IMMP2L: variants seen among roughly 807,000 people sequenced by gnomAD.
IMMP2L encodes the protein mitochondrial inner membrane protease subunit 2.
Under a neutral mutation model 19.3 loss-of-function variants are expected in IMMP2L, and 18 were observed. The ratio of observed to expected loss-of-function variants is 0.93; its 90% CI spans 0.64 to 1.38. The LOEUF (loss-of-function observed/expected upper bound fraction) is 1.38, where lower values mean the gene tolerates loss of function less well. IMMP2L is among the 40% of genes most tolerant of loss of function. The pLI is 0.00. For synonymous variants in IMMP2L, 76 were observed against 73.0 expected (o/e 1.04, Z -0.21); for missense variants, 233 against 218.2 (o/e 1.07, Z -0.43).
At chr7:111,499,921 C>T (rs1414633530) in intron 2 of IMMP2L, among the ~76,000 whole-genome samples, 3 of 152,068 alleles carry the variant, frequency 2.0e-5, no homozygotes, top group East Asian at 1.9e-4. Context: ...TCTGAGGTAC[C>T]GGGTTCATCT....
chr7:111,513,669 A>G (rs1167837784), intron 2 of IMMP2L, among the ~76,000 whole-genome samples: 1 of 152,138 alleles, frequency 6.6e-6, no homozygotes, highest in Admixed American at 6.5e-5. Flanking sequence ...TCATTGCAGA[A>G]TTATTCAAAA....
chr7:111,168,342 T>C (rs1261449686), intron 3 of IMMP2L, among the ~76,000 whole-genome samples: 5 of 151,838 alleles, frequency 3.3e-5, no homozygotes, highest in African/African-American at 1.2e-4. Context: ...CTCATTTAGC[T>C]GGAAAACCAA....
intron 3 of IMMP2L, among the ~76,000 whole-genome samples, chr7:111,465,178 GGCTCTC>G (rs1840513831): frequency 6.6e-6 from 1 of 151,996 alleles, no homozygotes; most frequent in South Asian, 2.1e-4. Context: ...TGCCATAATG[GGCTCTC>G]TGACCCCTAT....
chr7:111,147,848 A>G (rs1167809453), intron 3 of IMMP2L, among the ~76,000 whole-genome samples: 1 of 152,150 alleles, frequency 6.6e-6, no homozygotes, highest in East Asian at 1.9e-4. Flanking sequence ...AATGCTTGCA[A>G]TGTTCCAAGA....
chr7:111,124,701 A>G, intron 3 of IMMP2L: 1 of 1,613,966 alleles, frequency 6.2e-7, no homozygotes, highest in East Asian at 2.2e-5. Flanking sequence ...TTGGTGTGAT[A>G]TGTCTTATCA....
chr7:110,686,940 C>T (rs993467337), intron 5 of IMMP2L, among the ~76,000 whole-genome samples: 4 of 152,142 alleles, frequency 2.6e-5, no homozygotes, highest in South Asian at 4.2e-4. Flanking sequence ...AAAGAAAAGA[C>T]GCATAGCCTG....
intron 3 of IMMP2L, among the ~76,000 whole-genome samples, chr7:111,223,065 G>A (rs1326226011): frequency 3.3e-5 from 5 of 151,712 alleles, no homozygotes; most frequent in African/African-American, 1.2e-4. Context: ...GTTGCAAAAT[G>A]ACATAGAATG....
chr7:110,788,386 C>T (rs934597909), intron 5 of IMMP2L, among the ~76,000 whole-genome samples: 2 of 151,796 alleles, frequency 1.3e-5, no homozygotes, highest in South Asian at 4.1e-4. Flanking sequence ...TAAATACTTG[C>T]TTTTCTTGGC....
intron 3 of IMMP2L, among the ~76,000 whole-genome samples, chr7:111,153,593 T>C (rs553148658): frequency 5.9e-4 from 90 of 152,184 alleles, no homozygotes; most frequent in Non-Finnish European, 1.2e-3. Flanking sequence ...CATGCTATTT[T>C]TCTTTACTTA....
In IMMP2L at chr7:111,420,043, T is replaced by C. The variant is rs577191455; in HGVS notation, c.239+67195A>G. 1.6e-4 allele frequency among the ~76,000 whole-genome samples: 24 copies of C among 151,988 alleles called. 1 individual carries two copies. The highest frequency in any genetic ancestry group is 5.6e-4 in the African/African-American group (23 of 41,268). On this transcript the variant is annotated intron_variant, in intron 3 of 5. Transcript: ENST00000405709. The stretch of plus-strand genomic sequence containing the variant: ...TGCACCACAATAAGAATGTATTTAA[T>C]GTCATTGAACTGTACACTTAAAGAT...
chr7:110,782,879 T>TA (rs1376296046), intron 5 of IMMP2L, among the ~76,000 whole-genome samples: 1 of 151,822 alleles, frequency 6.6e-6, no homozygotes, highest in Non-Finnish European at 1.5e-5. Flanking sequence ...GACAGGGATG[T>TA]AGAAAGATCA....
At chr7:110,690,830 C>G (rs559782053) in intron 5 of IMMP2L, among the ~76,000 whole-genome samples, 1 of 151,618 alleles carries the variant, frequency 6.6e-6, no homozygotes, top group East Asian at 1.9e-4. Flanking sequence ...ATAACACAAA[C>G]AAATGGAAAT....
intron 3 of IMMP2L, among the ~76,000 whole-genome samples, chr7:111,378,272 G>A (rs1456964021): frequency 6.6e-6 from 1 of 151,896 alleles, no homozygotes; most frequent in Non-Finnish European, 1.5e-5. Context: ...ACTGTATAAT[G>A]TTTTCTGATA....
chr7:110,700,215 A>C lies in IMMP2L; in HGVS notation c.409-36494T>G, dbSNP rs79715974. Among the ~76,000 whole-genome samples the C allele has an allele frequency of 8.6e-3, 1,313 of 152,322 alleles. 17 individuals are homozygous for C. The highest frequency in any genetic ancestry group is 0.03 in the African/African-American group (1,230 of 41,570). ...GTGGTAATTTGTGAGGCATCACAAA[A>C]AAACTAACACCCCGTAAGCCTCCCT... On this transcript the variant is annotated intron_variant, in intron 5 of 5. Coordinates refer to ENST00000405709, the MANE Select transcript of IMMP2L (RefSeq NM_032549.4).
chr7:111,041,675 A>G (rs918451047), intron 3 of IMMP2L, among the ~76,000 whole-genome samples: 3 of 151,504 alleles, frequency 2.0e-5, no homozygotes, highest in East Asian at 3.9e-4. Flanking sequence ...TTCCTTTTCT[A>G]TTTGTACTCT....
At chr7:111,431,108 CA>C (rs1836584279) in intron 3 of IMMP2L, among the ~76,000 whole-genome samples, 7 of 151,664 alleles carry the variant, frequency 4.6e-5, no homozygotes, top group Admixed American at 4.6e-4. Context: ...CTCTGTCTCA[CA>C]AAAAAGTTAA....
chr7:110,978,716 T>C (rs1820952186), intron 3 of IMMP2L, among the ~76,000 whole-genome samples: 1 of 152,070 alleles, frequency 6.6e-6, no homozygotes, highest in Admixed American at 6.6e-5. Context: ...TGAATTTTTA[T>C]CTGAGAAAGA....
intron 3 of IMMP2L, among the ~76,000 whole-genome samples, chr7:111,289,466 T>C (rs1215848969): frequency 1.3e-5 from 2 of 151,496 alleles, no homozygotes; most frequent in African/African-American, 4.8e-5. Context: ...AAATTCTGAA[T>C]GATCTTGAAT....
At chr7:111,238,547 C>G (rs1398640287) in intron 3 of IMMP2L, among the ~76,000 whole-genome samples, 1 of 151,866 alleles carries the variant, frequency 6.6e-6, no homozygotes, top group African/African-American at 2.4e-5. Context: ...AGGGAAGGAG[C>G]AGATTCCAGG....
Sources: allele counts gnomAD v4.1 joint callset (sites outside exome capture counted in the v4.1 genomes callset), GRCh38; gene constraint gnomAD v4.1.1; transcripts MANE v1.5; gene names NCBI Gene and HGNC (gene_info 2026-07-23, HGNC 2026-07-21).